RBFOX1: variants seen among roughly 807,000 people sequenced by gnomAD.
RBFOX1 encodes RNA binding fox-1 homolog 1.
RBFOX1 carries 8 observed loss-of-function variants against 57.7 expected under a neutral mutation model. The observed-to-expected ratio is 0.14, with a 90% CI of 0.08 to 0.25. The LOEUF is 0.25. RBFOX1 is among the 10% of genes least tolerant of loss of function. The probability of loss-of-function intolerance (pLI) is 1.00; values close to 1 mark genes in which losing one functional copy is unlikely to be tolerated. For synonymous variants in RBFOX1, 326 were observed against 222.4 expected, an observed-to-expected ratio of 1.47 and a Z score of -4.15; for missense variants, 611 against 548.5, an observed-to-expected ratio of 1.11 and a Z score of -1.14.
chr16:5,963,274 AG>A (rs2059785502), intron 4 of RBFOX1, among the ~76,000 whole-genome samples: 1 of 152,208 alleles, frequency 6.6e-6, no homozygotes, highest in South Asian at 2.1e-4. Flanking sequence ...TGACCATTGC[AG>A]GTGGGTCATG....
At chr16:5,856,563 ATGTG>A (rs1317876935) in intron 3 of RBFOX1, among the ~76,000 whole-genome samples, 1 of 66,928 alleles carries the variant, frequency 1.5e-5, no homozygotes, top group Non-Finnish European at 2.8e-5. Context: ...GTGTGTGTGT[ATGTG>A]TGTGTGTGTA....
chr16:7,345,783 C>T (rs989885079), intron 4 of RBFOX1, among the ~76,000 whole-genome samples: 8 of 151,926 alleles, frequency 5.3e-5, no homozygotes, highest in African/African-American at 1.2e-4. Context: ...TTAGAGACGC[C>T]GTCTGCATGT....
At chr16:7,654,600 C>A (rs781338854) in intron 12 of RBFOX1, among the ~76,000 whole-genome samples, 1 of 152,006 alleles carries the variant, frequency 6.6e-6, no homozygotes, top group African/African-American at 2.4e-5. Context: ...TTTGATATTG[C>A]CAGGCGAATG....
At chr16:7,128,765 G>A (rs888308223) in intron 4 of RBFOX1, among the ~76,000 whole-genome samples, 23 of 151,822 alleles carry the variant, frequency 1.5e-4, no homozygotes, top group African/African-American at 5.1e-4. Context: ...GGGAAGAATC[G>A]GAGGCTATTT....
intron 4 of RBFOX1, among the ~76,000 whole-genome samples, chr16:5,959,740 A>T (rs952908658): frequency 6.6e-6 from 1 of 152,180 alleles, no homozygotes; most frequent in African/African-American, 2.4e-5. Flanking sequence ...TGATCCCAGG[A>T]GGCAGAGGTT....
At chr16:7,040,830 T>C (rs1044153976) in intron 3 of RBFOX1, among the ~76,000 whole-genome samples, 1 of 152,230 alleles carries the variant, frequency 6.6e-6, no homozygotes, top group African/African-American at 2.4e-5. Flanking sequence ...AGGTCAAAGT[T>C]TGGCAAATTG....
intron 1 of RBFOX1, among the ~76,000 whole-genome samples, chr16:6,139,904 C>G (rs1294983553): frequency 6.6e-6 from 1 of 152,186 alleles, no homozygotes; most frequent in Non-Finnish European, 1.5e-5. Flanking sequence ...TTCCATCAGT[C>G]TCTCTTAGCA....
intron 3 of RBFOX1, among the ~76,000 whole-genome samples, chr16:6,872,224 A>G (rs1220651049): frequency 6.6e-6 from 1 of 152,184 alleles, no homozygotes; most frequent in Non-Finnish European, 1.5e-5. Flanking sequence ...AGACCAGCAC[A>G]TAGTAGAGAT....
chr16:6,069,395 C>A (rs573276519), intron 1 of RBFOX1, among the ~76,000 whole-genome samples: 2 of 78,138 alleles, frequency 2.6e-5, no homozygotes, highest in Admixed American at 1.4e-4. Flanking sequence ...CGAAACTCTG[C>A]CTCAAAAAAA....
chr16:6,406,203 G>T (rs1050723149), intron 2 of RBFOX1, among the ~76,000 whole-genome samples: 1 of 152,226 alleles, frequency 6.6e-6, no homozygotes, highest in Non-Finnish European at 1.5e-5. Context: ...TGTCATTGAA[G>T]CATTTCTCTG....
At chr16:7,563,049 T>TA (rs1366230795) in intron 5 of RBFOX1, among the ~76,000 whole-genome samples, 1 of 152,146 alleles carries the variant, frequency 6.6e-6, no homozygotes, top group Non-Finnish European at 1.5e-5. Context: ...ATGTAGGGAC[T>TA]AAACATCCCA....
intron 4 of RBFOX1, among the ~76,000 whole-genome samples, chr16:7,155,371 C>T (rs1297817708): frequency 1.3e-5 from 2 of 151,830 alleles, no homozygotes; most frequent in East Asian, 3.9e-4. Flanking sequence ...CAGTGGGTCA[C>T]TTAAGCCAGG....
chr16:6,148,595 T>C (rs766785502), intron 1 of RBFOX1, among the ~76,000 whole-genome samples: 3 of 152,124 alleles, frequency 2.0e-5, no homozygotes, highest in Non-Finnish European at 4.4e-5. Context: ...AGGTAGTAGA[T>C]GAATCCCCTT....
chr16:6,045,376 G>A (rs1005863555), intron 1 of RBFOX1, among the ~76,000 whole-genome samples: 9 of 152,116 alleles, frequency 5.9e-5, no homozygotes, highest in African/African-American at 2.2e-4. Context: ...AGTTCTCTAG[G>A]AAGTAGGAAA....
At chr16:5,774,718 T>C (rs1420960290) in intron 3 of RBFOX1, among the ~76,000 whole-genome samples, 1 of 152,178 alleles carries the variant, frequency 6.6e-6, no homozygotes, top group South Asian at 2.1e-4. Context: ...AGTCTCACTC[T>C]CTCGCCCAGA....
At chr16:6,228,113 C>G (rs1336956480) in intron 1 of RBFOX1, among the ~76,000 whole-genome samples, 1 of 152,082 alleles carries the variant, frequency 6.6e-6, no homozygotes, top group East Asian at 1.9e-4. Context: ...GAGTTCGAGA[C>G]CAGCCTGGCC....
At chr16:6,276,044 A>C (rs2075766543) in intron 1 of RBFOX1, among the ~76,000 whole-genome samples, 1 of 152,224 alleles carries the variant, frequency 6.6e-6, no homozygotes, top group Non-Finnish European at 1.5e-5. Flanking sequence ...TACAGATAGT[A>C]AGTCTTCTCT....
Position 5,792,212 on chromosome 16 carries a change from G to GC in RBFOX1, c.319-75090dup, listed in dbSNP as rs2054726147. Among the ~76,000 whole-genome samples the GC allele has an allele frequency of 2.6e-5, 4 of 152,162 alleles. No individual in the cohort carries two copies. The South Asian group carries it at 8.3e-4, about 32-fold the overall frequency. ...TTCAAGTGATGTGTGTATGCTGCTG[G>GC]CACTGAATGGCTTCTCTGTAAATGG... On this transcript the variant is annotated intron_variant, in intron 3 of 19. Transcript: ENST00000641259.
At chr16:6,685,997 C>T (rs1393566311) in intron 3 of RBFOX1, among the ~76,000 whole-genome samples, 2 of 152,018 alleles carry the variant, frequency 1.3e-5, no homozygotes, top group Non-Finnish European at 2.9e-5. Context: ...CTAGCTTTTG[C>T]AAGACAGAAA....
Sources: allele counts gnomAD v4.1 joint callset (sites outside exome capture counted in the v4.1 genomes callset), GRCh38; gene constraint gnomAD v4.1.1; transcripts MANE v1.5; gene names NCBI Gene and HGNC (gene_info 2026-07-23, HGNC 2026-07-21).